The following MYO5C variants were observed in gnomAD, a reference collection of about 807,000 sequenced individuals.
The protein encoded by MYO5C is myosin VC.
In MYO5C, 194 loss-of-function variants were observed where a neutral mutation model predicts 235.7. The observed-to-expected ratio is 0.82, with a 90% CI of 0.73 to 0.93. The LOEUF is 0.93. MYO5C is among the 40% of genes least tolerant of loss of function. MYO5C has a pLI of 0.00. For missense variants in MYO5C, 2,038 were observed against 2,127.2 expected, an observed-to-expected ratio of 0.96 and a Z score of 0.82; for synonymous variants, 707 against 754.8, an observed-to-expected ratio of 0.94 and a Z score of 1.04.
At chr15:52,250,867 G>A (rs1404668719) in intron 13 of MYO5C, 1 of 151,998 alleles carries the variant, frequency 6.6e-6, no homozygotes, top group East Asian at 1.9e-4. Flanking sequence ...TCTATAATGT[G>A]ATTTTAACAA....
chr15:52,235,638 G>C, intron 23 of MYO5C, 32 bp downstream of exon 23: 1 of 1,530,656 alleles, frequency 6.5e-7, no homozygotes, highest in Non-Finnish European at 9.0e-7. Flanking sequence ...CTAAATCAGT[G>C]AATGTCTGGA....
rs752050590 is a variant in MYO5C at position 52,239,840 on chromosome 15, C to T, written c.2596G>A (p.Ala866Thr). 2.5e-6 allele frequency: 4 copies of T among 1,613,500 alleles called. No individual in the cohort carries two copies. Among genetic ancestry groups the T allele is most frequent in the African/African-American group, 1.3e-5 (1 of 74,916 alleles). Residue 866 changes from alanine (A) to threonine (T), a missense_variant, in exon 21 of 41, where the codon GCA becomes ACA. Physicochemically the swap from Ala to Thr is moderately conservative, Grantham distance 58 (BLOSUM62 0). Coordinates refer to ENST00000261839, the MANE Select transcript of MYO5C (RefSeq NM_018728.4). ...EHKAVILQKY[A>T]RAWLARRRFQ... ...CTGCGTCTGGCCAGCCACGCCCGTG[C>T]GTATTTCTGTAGGATCACAGCCTTA... is the stretch of plus-strand genomic sequence containing the variant.
intron 1 of MYO5C, among the ~76,000 whole-genome samples, chr15:52,291,731 G>GTTTTTTGTTTTTT (rs1555422071): frequency 5.7e-5 from 3 of 52,564 alleles, no homozygotes; most frequent in Non-Finnish European, 6.6e-5. Flanking sequence ...CATATTTTAT[G>GTTTTTTGTTTTTT]TTTTTTTTTT....
intron 29 of MYO5C, among the ~76,000 whole-genome samples, chr15:52,223,295 ACACTTACGCG>A (rs1446794886): frequency 6.6e-6 from 1 of 152,182 alleles, no homozygotes; most frequent in Non-Finnish European, 1.5e-5. Context: ...TAAAACATAC[ACACTTACGCG>A]CACACACAGA....
intron 36 of MYO5C, among the ~76,000 whole-genome samples, chr15:52,207,496 G>C (rs954587687): frequency 6.6e-6 from 1 of 152,064 alleles, no homozygotes; most frequent in African/African-American, 2.4e-5. Context: ...TGGGACAACT[G>C]GTTATCTATA....
rs1254829924 is a variant in MYO5C at position 52,264,303 on chromosome 15, A to G, written c.941-7T>C. 1 of 1,607,488 alleles carries G rather than the reference A, an allele frequency of 6.2e-7. No homozygotes were observed. The highest frequency in any genetic ancestry group is 2.2e-5 in the East Asian group (1 of 44,848). ...TGAAAATCCTCCTTGAAACCTAAAAACAAACATTTTCCCAGATTAGAATAC... is the reference window on the plus strand; with the variant it reads ...TGAAAATCCTCCTTGAAACCTAAAAGCAAACATTTTCCCAGATTAGAATAC... On this transcript the variant is annotated splice_region_variant and splice_polypyrimidine_tract_variant and intron_variant, in intron 8 of 40. Coordinates refer to ENST00000261839, the MANE Select transcript of MYO5C (RefSeq NM_018728.4).
rs562405720 is a variant in MYO5C, at chr15:52,247,603, C to G, written c.1747-11G>C. The G allele has an allele frequency of 1.9e-6, 3 of 1,613,464 alleles. No homozygotes were observed. The highest frequency in any genetic ancestry group is 4.5e-5 in the East Asian group (2 of 44,882). Reference sequence around the variant, plus strand: ...GGCACAGAGATGAAACTGGAAGGAACAGAGAGGATCTCAATGTCCAAAAGC... The same window carrying G: ...GGCACAGAGATGAAACTGGAAGGAAGAGAGAGGATCTCAATGTCCAAAAGC... On this transcript the variant is annotated splice_polypyrimidine_tract_variant and intron_variant, in intron 14 of 40. Transcript: ENST00000261839.
rs753013134 is a variant in MYO5C at position 52,275,518 on chromosome 15, A to AT, written c.606+43dup. 5.6e-6 allele frequency: 9 copies of AT among 1,610,832 alleles called. No homozygotes were observed. The Admixed American group carries it at 1.5e-4, about 27-fold the overall frequency. On this transcript the variant is annotated intron_variant, in intron 5 of 40. Coordinates refer to ENST00000261839, the MANE Select transcript of MYO5C (RefSeq NM_018728.4). ...AGAGCACACAAACCAACCAACCCCC[A>AT]TTTCCATCACCAACACCCAGCTGCC...
At chr15:52,231,237 G>A (rs2035945177) in intron 24 of MYO5C, among the ~76,000 whole-genome samples, 3 of 152,170 alleles carry the variant, frequency 2.0e-5, no homozygotes, top group Non-Finnish European at 4.4e-5. Context: ...CAGGGGCCAG[G>A]AATTCCCCCC....
In MYO5C at chr15:52,192,874, A is replaced by G. The variant is rs1255558919; in HGVS notation, c.*1028T>C. 4 of 152,050 alleles carry G rather than the reference A, an allele frequency of 2.6e-5. No individual in the cohort carries two copies. The highest frequency in any genetic ancestry group is 6.6e-5 in the Admixed American group (1 of 15,252). The allele number at this position is 152,050 out of a possible 1,614,324, so 9.4% of individuals were successfully genotyped here. On this transcript the variant is annotated 3_prime_UTR_variant, in exon 41 of 41. Coordinates refer to ENST00000261839, the MANE Select transcript of MYO5C (RefSeq NM_018728.4). ...AAAGGTATTAAAAAATAAAAAAATT[A>G]TGGTGAATATGTTGGCAGGTAAGAT...
rs202202587 is a variant in MYO5C, at chr15:52,265,610, C to T, written c.941-1314G>A. 2.6e-4 allele frequency among the ~76,000 whole-genome samples: 40 copies of T among 151,546 alleles called. No homozygotes were observed. The East Asian group carries it at 6.8e-3, about 26-fold the overall frequency. On this transcript the variant is annotated intron_variant, in intron 8 of 40. Coordinates refer to ENST00000261839, the MANE Select transcript of MYO5C (RefSeq NM_018728.4). ...CTGGAGAGCAGTGGTGTGATCATGGCTCACTGCAGCCTCGACCTCCTAGGC... is the reference window on the plus strand; with the variant it reads ...CTGGAGAGCAGTGGTGTGATCATGGTTCACTGCAGCCTCGACCTCCTAGGC...
intron 11 of MYO5C, among the ~76,000 whole-genome samples, chr15:52,255,095 A>C (rs1171792574): frequency 6.6e-6 from 1 of 151,560 alleles, no homozygotes; most frequent in Non-Finnish European, 1.5e-5. Context: ...GACTCTTTTT[A>C]AATTGATACA....
chr15:52,247,404 C>G, intron 15 of MYO5C, 54 bp downstream of exon 15: 1 of 1,583,426 alleles, frequency 6.3e-7, no homozygotes, highest in Non-Finnish European at 8.6e-7. Flanking sequence ...GCCCTGGCTC[C>G]CCAGGGCCTG....
chr15:52,279,880 T>G (rs868843954), intron 2 of MYO5C, among the ~76,000 whole-genome samples: 10 of 152,226 alleles, frequency 6.6e-5, no homozygotes, highest in African/African-American at 2.2e-4. Context: ...ACTGGCTATG[T>G]GCACTGGGGC....
At chr15:52,223,768 C>T in intron 28 of MYO5C, 44 bp from the exon 29 acceptor site, 1 of 1,571,872 alleles carries the variant, frequency 6.4e-7, no homozygotes, top group Non-Finnish European at 8.7e-7. Flanking sequence ...GGCCTTTGTT[C>T]TGTTTTATGG....
rs1566977637 is a variant in MYO5C, at chr15:52,245,967, G to A, written c.2055C>T (p.Ser685=). 1 of 1,614,076 alleles carries A rather than the reference G, an allele frequency of 6.2e-7. No homozygotes were observed. The change falls in exon 17 of 41, where the codon AGC becomes AGT. Residue 685 remains serine, a synonymous_variant. Transcript: ENST00000261839. ...VLETIRISAQ[S]YPSRWTYIEF... ...GACGGACAACATACCTGGAAGGGTA[G>A]CTCTGTGCACTAATGCGAATCGTTT...
intron 10 of MYO5C, among the ~76,000 whole-genome samples, chr15:52,258,806 C>T (rs1255693798): frequency 3.9e-5 from 6 of 152,182 alleles, no homozygotes; most frequent in Non-Finnish European, 8.8e-5. Flanking sequence ...TCTAACAAGT[C>T]TTTGTGTATT....
chr15:52,243,345 A>T (rs1247701132), intron 19 of MYO5C: 2 of 152,640 alleles, frequency 1.3e-5, no homozygotes, highest in African/African-American at 4.8e-5. Flanking sequence ...TGAATGGGAT[A>T]GGCAGGAGGC....
intron 8 of MYO5C, 59 bp from the exon 9 acceptor site, chr15:52,264,355 G>A: frequency 3.8e-6 from 5 of 1,322,364 alleles, no homozygotes; most frequent in Admixed American, 1.9e-5. Flanking sequence ...CTAGTAAGAT[G>A]GGCACCTGGA....
Sources: allele counts gnomAD v4.1 joint callset (sites outside exome capture counted in the v4.1 genomes callset), GRCh38; gene constraint gnomAD v4.1.1; transcripts MANE v1.5; gene names NCBI Gene and HGNC (gene_info 2026-07-23, HGNC 2026-07-21).